Variants in DLGAP3 observed in about 807,000 individuals in gnomAD.
DLGAP3 encodes disks large-associated protein 3.
DLGAP3 carries 17 observed loss-of-function variants against 81.2 expected under a neutral mutation model. The observed-to-expected ratio is 0.21, with a 90% CI of 0.14 to 0.31. The LOEUF (loss-of-function observed/expected upper bound fraction) is 0.31. Ranked by LOEUF, DLGAP3 falls within the 10% of genes least tolerant of loss-of-function variation. The pLI is 1.00. For synonymous variants in DLGAP3, 577 were observed against 587.4 expected (o/e 0.98, Z 0.26); for missense variants, 1,124 against 1,388.0 (o/e 0.81, Z 3.02).
intron 1 of DLGAP3, among the ~76,000 whole-genome samples, chr1:34,911,225 G>A (rs1639635858): frequency 6.6e-6 from 1 of 152,134 alleles, no homozygotes; most frequent in Admixed American, 6.5e-5. Context: ...TCTGAAGTGG[G>A]CACAGTAATG....
At chr1:34,889,632 TG>T (rs1215509546) in intron 5 of DLGAP3, among the ~76,000 whole-genome samples, 2 of 152,202 alleles carry the variant, frequency 1.3e-5, no homozygotes, top group African/African-American at 4.8e-5. Flanking sequence ...CTAGAGTTGG[TG>T]GGTCCAACAG....
intron 2 of DLGAP3, among the ~76,000 whole-genome samples, chr1:34,905,675 A>G (rs959246400): frequency 7.9e-5 from 12 of 152,130 alleles, no homozygotes; most frequent in Admixed American, 3.3e-4. Flanking sequence ...ATACTTATTC[A>G]CAAGAGGATA....
chr1:34,894,157 T>C (rs977001755), intron 5 of DLGAP3, among the ~76,000 whole-genome samples: 2 of 151,342 alleles, frequency 1.3e-5, no homozygotes, highest in Non-Finnish European at 2.9e-5. Flanking sequence ...CACTACCTTG[T>C]AGCTTAATGA....
intron 1 of DLGAP3, among the ~76,000 whole-genome samples, chr1:34,917,296 A>G (rs1407872046): frequency 1.3e-5 from 2 of 150,726 alleles, no homozygotes; most frequent in African/African-American, 4.9e-5. Flanking sequence ...ACTTGTTCCT[A>G]TGAGGGTTCA....
At chr1:34,866,368 G>C in intron 11 of DLGAP3, 67 bp from the exon 12 acceptor site, 1 of 1,309,610 alleles carries the variant, frequency 7.6e-7, no homozygotes, top group Non-Finnish European at 1.0e-6. Flanking sequence ...GTCCGCCCCC[G>C]CACCCCCGCG....
At position 34,904,059 on chromosome 1, in the gene DLGAP3, ACAT is replaced by A. The variant is rs769327343; in HGVS notation, c.1107+215_1107+217del. On this transcript the variant is annotated intron_variant, in intron 3 of 11. Coordinates refer to ENST00000373347, the MANE Select transcript of DLGAP3 (RefSeq NM_001080418.3). This position sits in a 1 kb window ranked among gnomAD's most constrained non-coding sequence, Gnocchi z 8.1. ...CAAGGGAAAATCTCTAGGGACAGAC[ACAT>A]CATTAGAACAGAAGGGCCCCTTCAT... Among the ~76,000 whole-genome samples, 2 of 152,230 alleles carry A rather than the reference ACAT, an allele frequency of 1.3e-5. No homozygotes were observed. Among genetic ancestry groups the A allele is most frequent in the Non-Finnish European group, 2.9e-5 (2 of 68,040 alleles).
intron 8 of DLGAP3, among the ~76,000 whole-genome samples, chr1:34,883,010 T>C (rs1557466350): frequency 6.6e-6 from 1 of 152,346 alleles, no homozygotes; most frequent in East Asian, 1.9e-4. Context: ...AATCCTCAAG[T>C]CTCAGCTTAA....
At chr1:34,919,221 T>G (rs541988995) in intron 1 of DLGAP3, among the ~76,000 whole-genome samples, 1 of 152,058 alleles carries the variant, frequency 6.6e-6, no homozygotes, top group Non-Finnish European at 1.5e-5. Context: ...CCCAGCCCCA[T>G]GCTTGCAGGT....
Position 34,886,287 on chromosome 1 carries a change from TG to T in DLGAP3, c.1387-3del. 3 of 1,583,346 alleles carry T rather than the reference TG, an allele frequency of 1.9e-6. No individual in the cohort carries two copies. Among genetic ancestry groups the T allele is most frequent in the Admixed American group, 1.8e-5 (1 of 56,638 alleles). On this transcript the variant is annotated splice_region_variant and splice_polypyrimidine_tract_variant and intron_variant, in intron 5 of 11. Coordinates refer to ENST00000373347, the MANE Select transcript of DLGAP3 (RefSeq NM_001080418.3). ...CTGCTGGTTCAACTCATCGCTGAGCTGGGGGGCAGGGGGTCGGGAGGACAGT... is the reference window on the plus strand; with the variant it reads ...CTGCTGGTTCAACTCATCGCTGAGCTGGGGGCAGGGGGTCGGGAGGACAGT...
rs1270331257 is a variant in DLGAP3 at position 34,900,220 on chromosome 1, G to T, written c.1161C>A (p.Ile387=). ...TGCCGCTCCGCATCCTGCGGCAGGG[G>T]ATCTCCCCATCCTTGCCACCGGTGG... ...GYPTGGKDGE[I]PCRRMRSGSY... Residue 387 remains isoleucine, a synonymous_variant, in exon 4 of 12, where the codon ATC becomes ATA. Transcript: ENST00000373347. The surrounding 1 kb of genome is among the most constrained non-coding windows in gnomAD (Gnocchi z 5.6). The T allele has an allele frequency of 2.5e-6, 4 of 1,613,972 alleles. No individual in the cohort carries two copies. Among genetic ancestry groups the T allele is most frequent in the Non-Finnish European group, 3.4e-6 (4 of 1,180,030 alleles).
chr1:34,907,866 GAC>G (rs1639581111), intron 1 of DLGAP3, among the ~76,000 whole-genome samples: 1 of 152,154 alleles, frequency 6.6e-6, no homozygotes, highest in Non-Finnish European at 1.5e-5. Context: ...CCTCTCACGT[GAC>G]AGAGTTATTT....
intron 8 of DLGAP3, among the ~76,000 whole-genome samples, chr1:34,876,500 G>A (rs548466703): frequency 6.6e-6 from 1 of 152,354 alleles, no homozygotes; most frequent in South Asian, 2.1e-4. Flanking sequence ...AGGCGAGGCT[G>A]CTGGAATTCA....
At chr1:34,908,733 T>G (rs1639595188) in intron 1 of DLGAP3, among the ~76,000 whole-genome samples, 1 of 152,158 alleles carries the variant, frequency 6.6e-6, no homozygotes, top group Admixed American at 6.5e-5. Flanking sequence ...CCTAGAAATC[T>G]TCCATAGAGG....
intron 6 of DLGAP3, 67 bp downstream of exon 6, chr1:34,886,005 G>T: frequency 6.8e-7 from 1 of 1,470,640 alleles, no homozygotes; most frequent in Non-Finnish European, 9.2e-7. Flanking sequence ...TCGAGGGGGA[G>T]GCCAGAACCC....
At chr1:34,885,451 C>A (rs141871603) in intron 7 of DLGAP3, 27 bp downstream of exon 7, 33,940 of 1,603,004 alleles carry the variant, frequency 0.021, 427 homozygotes, top group Non-Finnish European at 0.027. Flanking sequence ...GGGTCAGAGC[C>A]CTCGTGGGCG....
intron 7 of DLGAP3, 45 bp from the exon 8 acceptor site, chr1:34,885,108 G>A (rs756300812): frequency 6.4e-7 from 1 of 1,559,132 alleles, no homozygotes; most frequent in South Asian, 1.1e-5. Flanking sequence ...GAGCCAAGGT[G>A]AAAGCCCTTC....
At chr1:34,912,191 C>A (rs549386535) in intron 1 of DLGAP3, among the ~76,000 whole-genome samples, 1 of 152,210 alleles carries the variant, frequency 6.6e-6, no homozygotes, top group Non-Finnish European at 1.5e-5. Context: ...GACTCACTAA[C>A]GGTAGCTATC....
At chr1:34,888,372 A>T (rs1441004795) in intron 5 of DLGAP3, among the ~76,000 whole-genome samples, 3 of 152,190 alleles carry the variant, frequency 2.0e-5, no homozygotes, top group Non-Finnish European at 2.9e-5. Flanking sequence ...ATAAAACTGA[A>T]ATTAAATGTC....
rs1557470897 is a variant in DLGAP3 at position 34,886,374 on chromosome 1, C to T, written c.1387-89G>A. ...TGCTCTGCCTTAGGGGAAGACCTCT[C>T]TATATCTGCAGAGGCTGTAGGCGAC... is the stretch of plus-strand genomic sequence containing the variant. On this transcript the variant is annotated intron_variant, in intron 5 of 11. Coordinates refer to ENST00000373347, the MANE Select transcript of DLGAP3 (RefSeq NM_001080418.3). 3 of 1,245,948 alleles carry T rather than the reference C, an allele frequency of 2.4e-6. No homozygotes were observed. The South Asian group carries it at 4.5e-5, about 19-fold the overall frequency. The allele number at this position is 1,245,948 out of a possible 1,614,324, so 77.2% of individuals were successfully genotyped here. A position where few individuals can be genotyped will look rare whatever the true frequency, so the allele number is the denominator to read the frequency against.
Sources: gnomAD v4.1 joint callset for allele counts (sites outside exome capture counted in the v4.1 genomes callset) on GRCh38, gnomAD v4.1.1 for gene constraint, Gnocchi (gnomAD v3.1) non-coding constraint, MANE v1.5 for transcripts, NCBI Gene and HGNC (gene_info 2026-07-23, HGNC 2026-07-21) for gene names.